The following ECSIT variants were observed in gnomAD, a reference collection of about 807,000 sequenced individuals.
ECSIT encodes evolutionarily conserved signaling intermediate in Toll pathway, mitochondrial.
A neutral mutation model predicts 36.8 loss-of-function variants in ECSIT; 29 were observed. The ratio of observed to expected loss-of-function variants is 0.79; its 90% CI spans 0.59 to 1.08. The LOEUF is 1.08. Among genes scored for constraint, ECSIT ranks in the 50% least tolerant of loss-of-function variants. ECSIT has a pLI of 0.00. For synonymous variants in ECSIT, 231 were observed against 234.8 expected (o/e 0.98, Z 0.15); for missense variants, 542 against 581.0 (o/e 0.93, Z 0.69).
chr19:11,523,017 G>A lies in ECSIT; in HGVS notation c.-23-3824C>T, dbSNP rs1230219706. 6.6e-5 allele frequency among the ~76,000 whole-genome samples: 10 copies of A among 152,122 alleles called. No individual in the cohort carries two copies. In the East Asian group the frequency reaches 1.9e-3, roughly 29 times the overall value. ...ACCCGGGAGGCGGAGCTTGCAGTGA[G>A]CTGAGATCCCACCACTGCACTCCAG... On this transcript the variant is annotated intron_variant, in intron 1 of 7. Transcript: ENST00000270517.
chr19:11,512,910 T>G (rs1225524662), intron 4 of ECSIT, 146 bp downstream of exon 4: 10 of 822,468 alleles, frequency 1.2e-5, no homozygotes, highest in African/African-American at 3.4e-5. Context: ...GCCACCACAC[T>G]CCAGCCTGGG....
intron 3 of ECSIT, 152 bp from the exon 4 acceptor site, chr19:11,513,431 T>C: frequency 1.2e-6 from 1 of 803,660 alleles, no homozygotes; most frequent in South Asian, 1.5e-5. Flanking sequence ...ATGCCTGTAA[T>C]CCCAGCACAT....
chr19:11,512,959 C>T, intron 4 of ECSIT, 97 bp downstream of exon 4: 2 of 1,257,948 alleles, frequency 1.6e-6, no homozygotes, highest in South Asian at 1.2e-5. Context: ...GAACTTGATT[C>T]ACCACAATCA....
chr19:11,523,594 T>C (rs750466587), intron 1 of ECSIT: 32 of 968,016 alleles, frequency 3.3e-5, no homozygotes, highest in Non-Finnish European at 4.7e-5. Flanking sequence ...GTGTGCTTGA[T>C]CCAACTGTGA....
chr19:11,505,954 C>G lies in ECSIT; in HGVS notation c.*230G>C, dbSNP rs1365654185. On this transcript the variant is annotated 3_prime_UTR_variant, in exon 8 of 8. Transcript: ENST00000270517. The stretch of plus-strand genomic sequence containing the variant: ...TGCGCACAACCAACAGCGCTCCCGC[C>G]CCTTTTTATTTGAATTCGGAGAACC... The G allele has an allele frequency of 2.2e-6, 2 of 918,582 alleles. No individual in the cohort carries two copies. Among genetic ancestry groups the G allele is most frequent in the Non-Finnish European group, 3.2e-6 (2 of 634,846 alleles). The allele number at this position is 918,582 out of a possible 1,614,324, so 56.9% of individuals were successfully genotyped here.
Position 11,519,386 on chromosome 19 carries a change from G to A in ECSIT, c.-23-193C>T, listed in dbSNP as rs977941845. 4.6e-5 allele frequency among the ~76,000 whole-genome samples: 7 copies of A among 152,168 alleles called. No homozygotes were observed. Among genetic ancestry groups the A allele is most frequent in the African/African-American group, 1.7e-4 (7 of 41,450 alleles). On this transcript the variant is annotated intron_variant, in intron 1 of 7. Transcript: ENST00000270517. The surrounding 1 kb of genome is among the most constrained non-coding windows in gnomAD (Gnocchi z 4.4). ...ACAGCACCCTAATCCTGCTGCCCCA[G>A]GGGCGTGATCATAGCTCAATGCAGC...
At chr19:11,513,745 G>A (rs1971925270) in intron 3 of ECSIT, 59 bp downstream of exon 3, 2 of 1,594,120 alleles carry the variant, frequency 1.3e-6, no homozygotes, top group South Asian at 2.2e-5. Context: ...ACTCAGGAGA[G>A]GTGCTGCCAG....
At chr19:11,526,481 G>A (rs1351558688) in intron 1 of ECSIT, among the ~76,000 whole-genome samples, 4 of 151,992 alleles carry the variant, frequency 2.6e-5, no homozygotes, top group African/African-American at 4.8e-5. Flanking sequence ...CTATCCAATC[G>A]CACCACTACT....
rs1225084587 is a variant in ECSIT, at chr19:11,519,655, CTG to C, written c.-23-464_-23-463del. The stretch of plus-strand genomic sequence containing the variant: ...CCACTACAATCTAATTTTACAAAAT[CTG>C]TGTCACTCCAACAAGAATCCCTGTA... On this transcript the variant is annotated intron_variant, in intron 1 of 7. Transcript: ENST00000270517. The surrounding 1 kb of genome is among the most constrained non-coding windows in gnomAD (Gnocchi z 4.4). Among the ~76,000 whole-genome samples, 1 of 151,952 alleles carries C rather than the reference CTG, an allele frequency of 6.6e-6. No individual in the cohort carries two copies. The highest frequency in any genetic ancestry group is 1.5e-5 in the Non-Finnish European group (1 of 68,006).
intron 7 of ECSIT, among the ~76,000 whole-genome samples, 165 bp downstream of exon 7, chr19:11,507,282 CTTTTTTTTTT>C: frequency 7.5e-6 from 1 of 133,488 alleles, no homozygotes; most frequent in East Asian, 2.1e-4. Context: ...AGGTTTTTGC[CTTTTTTTTTT>C]TTTTTTTTGA....
rs748751729 is a variant in ECSIT at position 11,514,223 on chromosome 19, T to C, written c.97-2A>G. On this transcript the variant is annotated splice_acceptor_variant, in intron 2 of 7. Transcript: ENST00000270517. LOFTEE classifies it high-confidence loss of function. ...GCCCCGAGGGAGCCGGCGAGGGACCTGGGGAGGGAGGAGAACTGCTGGAAT... is the reference window on the plus strand; with the variant it reads ...GCCCCGAGGGAGCCGGCGAGGGACCCGGGGAGGGAGGAGAACTGCTGGAAT... 12 of 1,597,698 alleles carry C rather than the reference T, an allele frequency of 7.5e-6. No homozygotes were observed. Among genetic ancestry groups the C allele is most frequent in the Non-Finnish European group, 1.0e-5 (12 of 1,172,110 alleles).
At chr19:11,525,764 C>T (rs1475118053) in intron 1 of ECSIT, 1 of 135,526 alleles carries the variant, frequency 7.4e-6, no homozygotes, top group African/African-American at 2.8e-5. Flanking sequence ...AAAAAAAATA[C>T]AAAATTAGCC....
At chr19:11,516,619 C>G in intron 2 of ECSIT, among the ~76,000 whole-genome samples, 1 of 151,870 alleles carries the variant, frequency 6.6e-6, no homozygotes, top group Non-Finnish European at 1.5e-5. Context: ...TGTCACTGCA[C>G]TCCAACCTGA....
chr19:11,514,294 C>A (rs1971942471), intron 2 of ECSIT, 73 bp from the exon 3 acceptor site: 3 of 1,428,162 alleles, frequency 2.1e-6, no homozygotes, highest in Non-Finnish European at 2.8e-6. Flanking sequence ...CTGGCTCTTT[C>A]CTCAGAGAGG....
intron 1 of ECSIT, among the ~76,000 whole-genome samples, chr19:11,524,663 A>G (rs1039219369): frequency 6.6e-6 from 1 of 151,698 alleles, no homozygotes; most frequent in African/African-American, 2.4e-5. Flanking sequence ...AAAAAAAAGA[A>G]AGAAAAAAAA....
chr19:11,505,952 G>T lies in ECSIT; in HGVS notation c.*232C>A, dbSNP rs575091457. The T allele has an allele frequency of 3.3e-5, 30 of 909,656 alleles. No homozygotes were observed. Among genetic ancestry groups the T allele is most frequent in the Admixed American group, 9.8e-5 (3 of 30,714 alleles). 56.3% of individuals were successfully genotyped at this position (909,656 alleles called of 1,614,324 possible). On this transcript the variant is annotated 3_prime_UTR_variant, in exon 8 of 8. Transcript: ENST00000270517. ...CATGCGCACAACCAACAGCGCTCCC[G>T]CCCCTTTTTATTTGAATTCGGAGAA... is the stretch of plus-strand genomic sequence containing the variant.
At chr19:11,524,120 C>T (rs1226306540) in intron 1 of ECSIT, among the ~76,000 whole-genome samples, 1 of 151,932 alleles carries the variant, frequency 6.6e-6, no homozygotes, top group African/African-American at 2.4e-5. Context: ...GGGTTTCCCT[C>T]TATTTTCCAG....
intron 4 of ECSIT, among the ~76,000 whole-genome samples, chr19:11,508,399 T>TTTTTTTTTTTTTTTTTTTTTTTG (rs1971803181): frequency 6.6e-6 from 1 of 150,878 alleles, no homozygotes; most frequent in Non-Finnish European, 1.5e-5. Flanking sequence ...TTTTTTTTTT[T>TTTTTTTTTTTTTTTTTTTTTTTG]AGGGATGGGG....
intron 1 of ECSIT, among the ~76,000 whole-genome samples, chr19:11,525,145 T>A (rs1237641624): frequency 1.3e-5 from 2 of 150,990 alleles, no homozygotes; most frequent in African/African-American, 4.9e-5. Context: ...TCAAAAAAAA[T>A]AAATAAATAA....
Sources: allele counts gnomAD v4.1 joint callset (sites outside exome capture counted in the v4.1 genomes callset), GRCh38; gene constraint gnomAD v4.1.1; non-coding constraint Gnocchi (gnomAD v3.1); transcripts MANE v1.5; gene names NCBI Gene and HGNC (gene_info 2026-07-23, HGNC 2026-07-21).